RABGAP1L: variants seen among roughly 807,000 people sequenced by gnomAD.
The protein encoded by RABGAP1L is rab GTPase-activating protein 1-like.
RABGAP1L carries 63 observed loss-of-function variants against 137.7 expected under a neutral mutation model. The ratio of observed to expected loss-of-function variants is 0.46; its 90% confidence interval spans 0.37 to 0.56. The LOEUF (loss-of-function observed/expected upper bound fraction) is 0.56. Ranked by LOEUF, RABGAP1L falls within the 20% of genes least tolerant of loss-of-function variation. RABGAP1L has a pLI of 0.00. For missense variants in RABGAP1L, 1,095 were observed against 1,244.0 expected (o/e 0.88, Z 1.80); for synonymous variants, 431 against 433.7 (o/e 0.99, Z 0.08).
intron 4 of RABGAP1L, among the ~76,000 whole-genome samples, 190 bp from the exon 5 acceptor site, chr1:174,241,293 C>G (rs922265103): frequency 6.6e-6 from 1 of 151,594 alleles, no homozygotes; most frequent in Non-Finnish European, 1.5e-5. Flanking sequence ...TCACTCCAGC[C>G]TGGGGGAAAG....
At chr1:174,216,185 G>A (rs1301263077) in intron 1 of RABGAP1L, among the ~76,000 whole-genome samples, 1 of 152,110 alleles carries the variant, frequency 6.6e-6, no homozygotes, top group African/African-American at 2.4e-5. Context: ...ACATGGGGAT[G>A]GTTAATAGGT....
intron 11 of RABGAP1L, among the ~76,000 whole-genome samples, chr1:174,365,036 C>T (rs897286615): frequency 6.6e-6 from 1 of 152,160 alleles, no homozygotes; most frequent in Non-Finnish European, 1.5e-5. Flanking sequence ...CTTTGCTGTC[C>T]TCTCCTTAAG....
intron 13 of RABGAP1L, among the ~76,000 whole-genome samples, chr1:174,450,262 C>A (rs1399369970): frequency 1.3e-5 from 2 of 151,956 alleles, no homozygotes. Flanking sequence ...AAACATGAAT[C>A]TTTTTTGTGT....
intron 18 of RABGAP1L, among the ~76,000 whole-genome samples, chr1:174,798,378 G>C (rs1688439490): frequency 6.6e-6 from 1 of 151,788 alleles, no homozygotes. Context: ...ACTCCAGCCT[G>C]GGTGACAGAG....
rs1238395865 is a variant in RABGAP1L, at chr1:174,434,102, TACACATACAC to T, written c.1710+39963_1710+39972del. ...ATGTGTGCACATGAGCGCATGCGTG[TACACATACAC>T]ACACACACACACACACACACACACA... On this transcript the variant is annotated intron_variant, in intron 13 of 25. Coordinates refer to ENST00000681986, the MANE Select transcript of RABGAP1L (RefSeq NM_001366446.1). Among the ~76,000 whole-genome samples, 616 of 102,840 alleles carry T rather than the reference TACACATACAC, an allele frequency of 6.0e-3. 6 individuals carry two copies. The highest frequency in any genetic ancestry group is 0.028 in the African/African-American group (583 of 20,672). The allele number at this position is 102,840 out of a possible 152,430, so 67.5% of individuals were successfully genotyped here.
chr1:174,486,993 TA>T (rs1659737912), intron 13 of RABGAP1L, among the ~76,000 whole-genome samples: 1 of 152,228 alleles, frequency 6.6e-6, no homozygotes, highest in South Asian at 2.1e-4. Flanking sequence ...AGACACTTGA[TA>T]TTTTTTCAGT....
intron 13 of RABGAP1L, among the ~76,000 whole-genome samples, chr1:174,428,790 A>G (rs1420031615): frequency 6.6e-6 from 1 of 152,214 alleles, no homozygotes; most frequent in African/African-American, 2.4e-5. Flanking sequence ...TTATCTAAAT[A>G]CATGGAGATA....
At chr1:174,853,451 G>C (rs1648725312) in intron 19 of RABGAP1L, among the ~76,000 whole-genome samples, 1 of 152,080 alleles carries the variant, frequency 6.6e-6, no homozygotes. Flanking sequence ...CTAGCTTTGG[G>C]CTGGTTGCAG....
intron 19 of RABGAP1L, among the ~76,000 whole-genome samples, chr1:174,900,264 C>T (rs547127219): frequency 1.3e-5 from 2 of 152,192 alleles, no homozygotes; most frequent in Non-Finnish European, 2.9e-5. Flanking sequence ...AAAGTACACT[C>T]CACAGTGTGG....
intron 13 of RABGAP1L, chr1:174,548,282 TAGTTA>T (rs1666182132): frequency 4.5e-6 from 6 of 1,325,912 alleles, no homozygotes; most frequent in East Asian, 2.8e-5. Context: ...TATATAACAT[TAGTTA>T]AGTTGTTTAC....
At chr1:174,202,844 G>A (rs1044207602) in intron 1 of RABGAP1L, among the ~76,000 whole-genome samples, 3 of 152,112 alleles carry the variant, frequency 2.0e-5, no homozygotes, top group Admixed American at 6.5e-5. Context: ...TGTAAGGAAG[G>A]GATCCAGTTT....
Position 174,975,404 on chromosome 1 carries a change from A to G in RABGAP1L, c.2545-674A>G, listed in dbSNP as rs149295024. ...TGAGAGCCTGACGTGTTAAATAGACATCATCATTCTAGAAATATGATCTTT... is the reference window on the plus strand; with the variant it reads ...TGAGAGCCTGACGTGTTAAATAGACGTCATCATTCTAGAAATATGATCTTT... On this transcript the variant is annotated intron_variant, in intron 21 of 25. Coordinates refer to ENST00000681986, the MANE Select transcript of RABGAP1L (RefSeq NM_001366446.1). Among the ~76,000 whole-genome samples the G allele has an allele frequency of 1.5e-4, 23 of 152,280 alleles. 1 individual carries two copies. The East Asian group carries it at 3.5e-3, about 23-fold the overall frequency.
intron 20 of RABGAP1L, among the ~76,000 whole-genome samples, chr1:174,964,477 C>A (rs1349229915): frequency 6.6e-6 from 1 of 152,164 alleles, no homozygotes; most frequent in Non-Finnish European, 1.5e-5. Context: ...GACTTCAGCC[C>A]CCAGGTACAC....
chr1:174,800,433 A>G, intron 18 of RABGAP1L: 8 of 1,550,830 alleles, frequency 5.2e-6, no homozygotes, highest in Non-Finnish European at 7.0e-6. Flanking sequence ...CTGGTGAATG[A>G]GTATGCGTGT....
chr1:174,175,880 C>G (rs1017876299), intron 1 of RABGAP1L, among the ~76,000 whole-genome samples: 1 of 152,104 alleles, frequency 6.6e-6, no homozygotes, highest in Non-Finnish European at 1.5e-5. Flanking sequence ...CCTCCTTGGC[C>G]TCTCAGAGTG....
chr1:174,614,098 T>G (rs571625803), intron 13 of RABGAP1L, among the ~76,000 whole-genome samples: 1 of 152,286 alleles, frequency 6.6e-6, no homozygotes, highest in African/African-American at 2.4e-5. Flanking sequence ...GATCCTGTCA[T>G]TATGATGTTA....
intron 15 of RABGAP1L, among the ~76,000 whole-genome samples, chr1:174,696,683 A>T (rs920363600): frequency 5.9e-5 from 9 of 152,158 alleles, no homozygotes; most frequent in African/African-American, 2.2e-4. Flanking sequence ...AAAGTCCCAC[A>T]ATCCCTGCTC....
chr1:174,840,815 CAAAAAAAAAAATAAAAAA>C lies in RABGAP1L; in HGVS notation c.2340+28863_2340+28880del, dbSNP rs1182344241. ...TGGGTGACAGAGTGAGAATCTGTCTCAAAAAAAAAAATAAAAAAAAAAAAAGAAGAAGAAGGGTAATAG... is the reference window on the plus strand; with the variant it reads ...TGGGTGACAGAGTGAGAATCTGTCTCAAAAAAAGAAGAAGAAGGGTAATAG... On this transcript the variant is annotated intron_variant, in intron 19 of 25. Transcript: ENST00000681986. Among the ~76,000 whole-genome samples, 708 of 71,988 alleles carry C rather than the reference CAAAAAAAAAAATAAAAAA, an allele frequency of 9.8e-3. 8 individuals are homozygous for C. Among genetic ancestry groups the C allele is most frequent in the African/African-American group, 0.03 (669 of 22,332 alleles). 47.2% of individuals were successfully genotyped at this position (71,988 alleles called of 152,430 possible).
intron 17 of RABGAP1L, among the ~76,000 whole-genome samples, chr1:174,706,616 G>A (rs1445227651): frequency 2.6e-5 from 4 of 152,062 alleles, no homozygotes; most frequent in African/African-American, 9.7e-5. Context: ...AAATATTAAT[G>A]TAGAACTTAA....
Sources: gnomAD v4.1 joint callset for allele counts (sites outside exome capture counted in the v4.1 genomes callset) on GRCh38, gnomAD v4.1.1 for gene constraint, MANE v1.5 for transcripts, NCBI Gene and HGNC (gene_info 2026-07-23, HGNC 2026-07-21) for gene names.